TXLNB: variants seen among roughly 807,000 people sequenced by gnomAD.
TXLNB encodes beta-taxilin.
A neutral mutation model predicts 57.4 loss-of-function variants in TXLNB; 37 were observed. That is an observed-to-expected ratio of 0.64 (90% CI 0.50 to 0.85). TXLNB has a LOEUF of 0.85. TXLNB is among the 40% of genes least tolerant of loss of function. The probability of loss-of-function intolerance (pLI) is 0.00; values close to 1 mark genes in which losing one functional copy is unlikely to be tolerated. For synonymous variants in TXLNB, 302 were observed against 309.6 expected (o/e 0.98, Z 0.26); for missense variants, 848 against 825.6 (o/e 1.03, Z -0.33).
At chr6:139,215,919 A>G in the TXLNB span, among the ~76,000 whole-genome samples, 2 of 152,056 alleles carry the variant, frequency 1.3e-5, no homozygotes, top group South Asian at 2.1e-4. Context: ...CAAAACCACA[A>G]TGAGATACCA....
At chr6:139,277,351 G>C (rs1293664015) in intron 2 of TXLNB, among the ~76,000 whole-genome samples, 1 of 152,184 alleles carries the variant, frequency 6.6e-6, no homozygotes, top group Non-Finnish European at 1.5e-5. Flanking sequence ...GTATGAAACA[G>C]CAACACGGAG....
the TXLNB span, among the ~76,000 whole-genome samples, chr6:139,231,396 A>G: frequency 2.0e-5 from 3 of 152,148 alleles, no homozygotes; most frequent in African/African-American, 7.2e-5. Context: ...TCTGATCTGG[A>G]GCAGACAGGG....
chr6:139,166,547 C>T, the TXLNB span: 7 of 1,614,112 alleles, frequency 4.3e-6, no homozygotes, highest in African/African-American at 1.3e-5. Flanking sequence ...CTGCTCTTGC[C>T]GCTGTGGCCA....
the TXLNB span, among the ~76,000 whole-genome samples, chr6:139,210,743 G>T: frequency 6.6e-6 from 1 of 152,238 alleles, no homozygotes; most frequent in Non-Finnish European, 1.5e-5. Context: ...CAAAGAAAGG[G>T]GTGACAGATG....
At chr6:139,208,034 C>T in the TXLNB span, among the ~76,000 whole-genome samples, 2 of 151,976 alleles carry the variant, frequency 1.3e-5, no homozygotes, top group African/African-American at 4.8e-5. Context: ...CGAGATCGCA[C>T]CACTGCACTC....
the TXLNB span, among the ~76,000 whole-genome samples, chr6:139,190,340 C>A: frequency 1.7e-5 from 2 of 118,368 alleles, no homozygotes; most frequent in Admixed American, 2.2e-4. Flanking sequence ...GACAGAGTCT[C>A]GCTTTATTGC....
chr6:139,225,693 T>C, the TXLNB span, among the ~76,000 whole-genome samples: 1 of 152,042 alleles, frequency 6.6e-6, no homozygotes, highest in Non-Finnish European at 1.5e-5. Flanking sequence ...AATTGAGATA[T>C]TTACCACATT....
At chr6:139,298,172 A>G in the TXLNB span, among the ~76,000 whole-genome samples, 9 of 152,224 alleles carry the variant, frequency 5.9e-5, no homozygotes. Context: ...TCTAGTAAAG[A>G]GCAGATGGAC....
At chr6:139,300,881 C>T in the TXLNB span, among the ~76,000 whole-genome samples, 1 of 152,032 alleles carries the variant, frequency 6.6e-6, no homozygotes, top group South Asian at 2.1e-4. Context: ...GGTGACACAG[C>T]GAGACTCCAT....
chr6:139,184,002 A>T, the TXLNB span, among the ~76,000 whole-genome samples: 2 of 152,204 alleles, frequency 1.3e-5, no homozygotes, highest in East Asian at 3.8e-4. Flanking sequence ...CCGTCTGCTA[A>T]TACTGCACTG....
the TXLNB span, among the ~76,000 whole-genome samples, chr6:139,314,069 G>A: frequency 6.6e-6 from 1 of 152,150 alleles, no homozygotes; most frequent in African/African-American, 2.4e-5. Flanking sequence ...CAGATGGCAG[G>A]CCCTGAAAGA....
chr6:139,215,493 T>C, the TXLNB span, among the ~76,000 whole-genome samples: 1 of 152,198 alleles, frequency 6.6e-6, no homozygotes, highest in East Asian at 1.9e-4. Flanking sequence ...GATTAAAGAC[T>C]TACATGTTAG....
At chr6:139,209,115 C>T in the TXLNB span, among the ~76,000 whole-genome samples, 1 of 152,108 alleles carries the variant, frequency 6.6e-6, no homozygotes, top group Non-Finnish European at 1.5e-5. Flanking sequence ...AATTAATGTA[C>T]ACAAATCACT....
the TXLNB span, among the ~76,000 whole-genome samples, chr6:139,320,654 A>G: frequency 6.7e-6 from 1 of 148,894 alleles, no homozygotes; most frequent in African/African-American, 2.5e-5. Context: ...TTTTTTTTTT[A>G]CCAACCTAGA....
At chr6:139,185,679 C>T in the TXLNB span, among the ~76,000 whole-genome samples, 100,623 of 151,968 alleles carry the variant, frequency 0.66, 34,310 homozygotes, top group African/African-American at 0.79. Flanking sequence ...CCAGCCTGGG[C>T]GACAGAGCGA....
At chr6:139,318,749 T>G in the TXLNB span, among the ~76,000 whole-genome samples, 14 of 152,236 alleles carry the variant, frequency 9.2e-5, 1 homozygote, top group South Asian at 2.9e-3. Flanking sequence ...TAAAGACATT[T>G]TTTCCAGACA....
At chr6:139,268,763 C>G (rs1776679773) in intron 4 of TXLNB, among the ~76,000 whole-genome samples, 1 of 152,074 alleles carries the variant, frequency 6.6e-6, no homozygotes, top group Non-Finnish European at 1.5e-5. Context: ...TACTTAATGT[C>G]ATTGTTCATA....
At chr6:139,255,056 A>T (rs1776300873) in intron 7 of TXLNB, among the ~76,000 whole-genome samples, 1 of 152,152 alleles carries the variant, frequency 6.6e-6, no homozygotes, top group Non-Finnish European at 1.5e-5. Flanking sequence ...TCCTGACCTC[A>T]GGCGATCCGC....
Position 139,278,768 on chromosome 6 carries a change from G to A in TXLNB, c.425-1847C>T, listed in dbSNP as rs545637319. 3.7e-3 allele frequency among the ~76,000 whole-genome samples: 558 copies of A among 152,354 alleles called. 1 individual carries two copies. Among genetic ancestry groups the A allele is most frequent in the African/African-American group, 0.013 (539 of 41,578 alleles). ...CGCCTGTAATCCCAACACTTTGGGA[G>A]GCTAAGGCGGGCGGATCACGAGGTC... is the stretch of plus-strand genomic sequence containing the variant. On this transcript the variant is annotated intron_variant, in intron 2 of 9. Transcript: ENST00000358430.
Sources: allele counts gnomAD v4.1 joint callset (sites outside exome capture counted in the v4.1 genomes callset), GRCh38; gene constraint gnomAD v4.1.1; transcripts MANE v1.5; gene names NCBI Gene and HGNC (gene_info 2026-07-23, HGNC 2026-07-21).